Variants in RIN2 observed in about 807,000 individuals in gnomAD.
RIN2 encodes Ras and Rab interactor 2.
RIN2 carries 36 observed loss-of-function variants against 78.0 expected under a neutral mutation model. The observed-to-expected ratio is 0.46, with a 90% CI of 0.35 to 0.61. RIN2 has a LOEUF of 0.61. Ranked by LOEUF, RIN2 falls within the 20% of genes least tolerant of loss-of-function variation. The probability of loss-of-function intolerance (pLI) is 0.00; values close to 1 mark genes in which losing one functional copy is unlikely to be tolerated. For synonymous variants in RIN2, 466 were observed against 466.8 expected (o/e 1.00, Z 0.02); for missense variants, 1,087 against 1,159.7 (o/e 0.94, Z 0.91).
chr20:19,802,975 C>A (rs907546065), intron 2 of RIN2, among the ~76,000 whole-genome samples: 1 of 152,166 alleles, frequency 6.6e-6, no homozygotes, highest in Non-Finnish European at 1.5e-5. Flanking sequence ...TTCTCTTGTT[C>A]TCGGGCTTCT....
intron 2 of RIN2, among the ~76,000 whole-genome samples, chr20:19,854,771 AGATTTTGGG>A (rs2037111018): frequency 1.3e-5 from 2 of 152,328 alleles, no homozygotes; most frequent in South Asian, 4.1e-4. Flanking sequence ...CAGCTTAAGG[AGATTTTGGG>A]CTGAGACGAT....
intron 2 of RIN2, among the ~76,000 whole-genome samples, chr20:19,887,643 G>T (rs913367029): frequency 1.5e-4 from 23 of 152,158 alleles, no homozygotes; most frequent in Non-Finnish European, 2.6e-4. Context: ...TACATTTCTG[G>T]AACCTAAACT....
At chr20:19,950,082 A>G (rs2041252996) in intron 4 of RIN2, among the ~76,000 whole-genome samples, 1 of 152,230 alleles carries the variant, frequency 6.6e-6, no homozygotes, top group Non-Finnish European at 1.5e-5. Flanking sequence ...TCACGAGAGC[A>G]GGACAGGTGC....
intron 2 of RIN2, among the ~76,000 whole-genome samples, chr20:19,880,521 G>C (rs1402062576): frequency 6.8e-6 from 1 of 147,302 alleles, no homozygotes; most frequent in Non-Finnish European, 1.5e-5. Flanking sequence ...TCATCCTCCT[G>C]AGTGGCTGGG....
intron 3 of RIN2, among the ~76,000 whole-genome samples, chr20:19,911,731 T>C (rs1248021310): frequency 1.3e-5 from 1 of 76,012 alleles, no homozygotes; most frequent in Non-Finnish European, 2.3e-5. Context: ...TCTCACTCAT[T>C]TCATTCCGTG....
intron 2 of RIN2, among the ~76,000 whole-genome samples, chr20:19,864,343 T>C (rs1600651865): frequency 6.6e-6 from 1 of 152,284 alleles, no homozygotes; most frequent in Middle Eastern, 3.4e-3. Context: ...AACATTCAAC[T>C]GTTTGTGGTT....
At chr20:19,873,869 T>C (rs1488445717) in intron 2 of RIN2, among the ~76,000 whole-genome samples, 1 of 152,226 alleles carries the variant, frequency 6.6e-6, no homozygotes, top group Admixed American at 6.5e-5. Context: ...CTAAAATTTA[T>C]TTGTGACTCC....
At chr20:19,910,609 C>T (rs1231817835) in intron 3 of RIN2, among the ~76,000 whole-genome samples, 6 of 148,944 alleles carry the variant, frequency 4.0e-5, no homozygotes, top group Non-Finnish European at 8.9e-5. Flanking sequence ...CACTCTGTCA[C>T]CCAGAATGGA....
intron 2 of RIN2, among the ~76,000 whole-genome samples, chr20:19,881,217 T>C (rs1163518249): frequency 6.6e-6 from 1 of 152,226 alleles, no homozygotes; most frequent in Non-Finnish European, 1.5e-5. Flanking sequence ...TCATGAACTT[T>C]CCAAGTCTGT....
intron 2 of RIN2, among the ~76,000 whole-genome samples, chr20:19,850,611 C>T (rs1287101713): frequency 6.6e-6 from 1 of 152,180 alleles, no homozygotes; most frequent in Admixed American, 6.5e-5. Context: ...CAACACATGC[C>T]CCTGGTGCAG....
At chr20:19,971,626 A>G in intron 8 of RIN2, among the ~76,000 whole-genome samples, 1 of 151,782 alleles carries the variant, frequency 6.6e-6, no homozygotes. Context: ...CTCCTCTGGC[A>G]TATTTTTCTC....
chr20:19,860,725 CCT>C (rs2037308539), intron 2 of RIN2, among the ~76,000 whole-genome samples: 1 of 152,086 alleles, frequency 6.6e-6, no homozygotes, highest in Admixed American at 6.5e-5. Context: ...ATGGTGTGCC[CCT>C]CTCTCTCTGT....
intron 1 of RIN2, among the ~76,000 whole-genome samples, chr20:19,759,461 T>TAC (rs1233211234): frequency 2.0e-4 from 31 of 152,178 alleles, no homozygotes; most frequent in Non-Finnish European, 4.1e-4. Context: ...CACTCCATCA[T>TAC]TAAGATAAAT....
chr20:19,904,624 G>T (rs1246058718), intron 3 of RIN2, among the ~76,000 whole-genome samples: 2 of 152,170 alleles, frequency 1.3e-5, no homozygotes, highest in Middle Eastern at 3.2e-3. Flanking sequence ...GAGAAAAAGG[G>T]TGGCAAGTAT....
rs557098256 is a variant in RIN2, at chr20:19,768,522, G to C, written c.-163+10195G>C. On this transcript the variant is annotated intron_variant, in intron 1 of 12. Coordinates refer to ENST00000255006, the MANE Select transcript of RIN2 (RefSeq NM_018993.4). ...ATCCTCTGACAGGGACCCAGGTGCT[G>C]GCTGTGGCTTGCAAATGTGCATGAA... is the stretch of plus-strand genomic sequence containing the variant. Among the ~76,000 whole-genome samples the C allele has an allele frequency of 7.9e-5, 12 of 152,310 alleles. No homozygotes were observed. The East Asian group carries it at 2.3e-3, about 29-fold the overall frequency.
At chr20:19,857,877 C>T (rs1332846309) in intron 2 of RIN2, among the ~76,000 whole-genome samples, 1 of 152,088 alleles carries the variant, frequency 6.6e-6, no homozygotes, top group Non-Finnish European at 1.5e-5. Flanking sequence ...GTTGAACAGT[C>T]TTTTGAATGT....
chr20:19,804,780 C>A (rs902894806), intron 2 of RIN2, among the ~76,000 whole-genome samples: 7 of 152,180 alleles, frequency 4.6e-5, no homozygotes, highest in African/African-American at 1.4e-4. Context: ...ATGGTACCAG[C>A]TCCACTTTGT....
At chr20:19,855,128 A>T (rs2037123128) in intron 2 of RIN2, among the ~76,000 whole-genome samples, 1 of 152,132 alleles carries the variant, frequency 6.6e-6, no homozygotes, top group Non-Finnish European at 1.5e-5. Flanking sequence ...TTCTGCATCT[A>T]TTGAGATAAT....
intron 6 of RIN2, 99 bp downstream of exon 6, chr20:19,960,910 T>C (rs949727338): frequency 4.3e-6 from 3 of 703,450 alleles, no homozygotes; most frequent in Non-Finnish European, 7.3e-6. Flanking sequence ...TGGGCAGATA[T>C]GGGCCTGAGT....
Sources: gnomAD v4.1 joint callset for allele counts (sites outside exome capture counted in the v4.1 genomes callset) on GRCh38, gnomAD v4.1.1 for gene constraint, MANE v1.5 for transcripts, NCBI Gene and HGNC (gene_info 2026-07-23, HGNC 2026-07-21) for gene names.